DYNC1H1: variants seen among roughly 807,000 people sequenced by gnomAD.
DYNC1H1 encodes cytoplasmic dynein 1 heavy chain 1.
In DYNC1H1, 51 loss-of-function variants were observed where a neutral mutation model predicts 527.1. The observed-to-expected ratio is 0.10, with a 90% CI of 0.08 to 0.12. The LOEUF (loss-of-function observed/expected upper bound fraction) is 0.12, where lower values mean the gene tolerates loss of function less well. Among genes scored for constraint, DYNC1H1 ranks in the 10% least tolerant of loss-of-function variants. DYNC1H1 has a pLI of 1.00. For missense variants in DYNC1H1, 2,771 were observed against 5,971.8 expected, an observed-to-expected ratio of 0.46 and a Z score of 17.66; for synonymous variants, 2,189 against 2,278.8, an observed-to-expected ratio of 0.96 and a Z score of 1.12.
At chr14:102,028,186 A>G (rs751897063) in intron 48 of DYNC1H1, 45 bp downstream of exon 48, 8 of 1,603,722 alleles carry the variant, frequency 5.0e-6, no homozygotes, top group South Asian at 2.2e-5. Flanking sequence ...AAAACTAACC[A>G]TCATGCTAAT....
chr14:101,973,090 T>C (rs1263975331), intron 1 of DYNC1H1, among the ~76,000 whole-genome samples: 1 of 152,166 alleles, frequency 6.6e-6, no homozygotes, highest in Non-Finnish European at 1.5e-5. Flanking sequence ...AGCAAGTATC[T>C]GGCATACTAG....
In DYNC1H1 at chr14:102,033,600, G is replaced by A. The variant is rs2048535262; in HGVS notation, c.10413+116G>A. The A allele has an allele frequency of 4.4e-6, 6 of 1,370,298 alleles. No homozygotes were observed. The highest frequency in any genetic ancestry group is 1.2e-5 in the South Asian group (1 of 80,794). The allele number at this position is 1,370,298 out of a possible 1,614,324, so 84.9% of individuals were successfully genotyped here. On this transcript the variant is annotated intron_variant, in intron 54 of 77. Transcript: ENST00000360184. The surrounding 1 kb of genome is among the most constrained non-coding windows in gnomAD (Gnocchi z 5.6). Reference sequence around the variant, plus strand: ...TCGGTGAATTCGCTCTTTAACATCTGTAAGGCCCCGGAGGACTTTTTTCCT... The same window carrying A: ...TCGGTGAATTCGCTCTTTAACATCTATAAGGCCCCGGAGGACTTTTTTCCT...
chr14:102,040,819 C>T (rs574125331), intron 64 of DYNC1H1, 146 bp downstream of exon 64: 43 of 933,864 alleles, frequency 4.6e-5, no homozygotes, highest in Admixed American at 2.4e-4. Flanking sequence ...CTTAGCCAGG[C>T]GTGGCGGTGC....
At chr14:101,998,889 T>TGTTTTTTTG (rs199790318) in intron 16 of DYNC1H1, among the ~76,000 whole-genome samples, 1 of 146,354 alleles carries the variant, frequency 6.8e-6, no homozygotes, top group Admixed American at 6.8e-5. Context: ...CTTTTTTTTT[T>TGTTTTTTTG]TTTTTTTTTT....
chr14:102,019,930 A>G lies in DYNC1H1; in HGVS notation c.8381A>G (p.Tyr2794Cys). ...FTQDTQPHYI[Y>C]SPREMTRWVR... ...CAGGATACACAACCTCACTATATCT[A>G]TTCACCCCGTGAAATGACTAGGTGG... Residue 2794 changes from tyrosine (Y) to cysteine (C), a missense_variant, in exon 42 of 78, where the codon TAT becomes TGT. By Grantham distance (194) the Tyr-to-Cys change is radical (BLOSUM62 -2). Transcript: ENST00000360184. The G allele has an allele frequency of 1.2e-6, 2 of 1,614,126 alleles. No homozygotes were observed. Among genetic ancestry groups the G allele is most frequent in the Non-Finnish European group, 1.7e-6 (2 of 1,180,026 alleles).
Position 101,965,007 on chromosome 14 carries a change from C to A in DYNC1H1, c.256+60C>A. The A allele has an allele frequency of 6.5e-7, 1 of 1,527,928 alleles. No individual in the cohort carries two copies. Among genetic ancestry groups the A allele is most frequent in the South Asian group, 1.2e-5 (1 of 83,418 alleles). The allele number at this position is 1,527,928 out of a possible 1,614,324, so 94.6% of individuals were successfully genotyped here. On this transcript the variant is annotated intron_variant, in intron 1 of 77. Coordinates refer to ENST00000360184, the MANE Select transcript of DYNC1H1 (RefSeq NM_001376.5). This position sits in a 1 kb window ranked among gnomAD's most constrained non-coding sequence, Gnocchi z 4.1. The stretch of plus-strand genomic sequence containing the variant: ...AGGCCTCGCGGAATGCAGGGCCTGC[C>A]AGGTCCTCCGGGGTCGCAGATGTCC...
intron 1 of DYNC1H1, among the ~76,000 whole-genome samples, chr14:101,972,113 G>T (rs768653984): frequency 6.6e-6 from 1 of 152,154 alleles, no homozygotes; most frequent in Non-Finnish European, 1.5e-5. Context: ...AATCAAACGT[G>T]CAGATTGTGT....
chr14:102,019,304 C>T (rs1208936001), intron 41 of DYNC1H1, among the ~76,000 whole-genome samples: 1 of 152,214 alleles, frequency 6.6e-6, no homozygotes, highest in Admixed American at 6.5e-5. Context: ...AAATGACTCT[C>T]GTTGCTATTT....
At chr14:101,969,039 A>T (rs1237039302) in intron 1 of DYNC1H1, among the ~76,000 whole-genome samples, 1 of 151,016 alleles carries the variant, frequency 6.6e-6, no homozygotes, top group Non-Finnish European at 1.5e-5. Context: ...TTTTTTTGAG[A>T]CAGAGTCTCG....
rs1370430338 is a variant in DYNC1H1 at position 102,018,260 on chromosome 14, CTG to C, written c.8178-189_8178-188del. 1.3e-5 allele frequency among the ~76,000 whole-genome samples: 2 copies of C among 152,192 alleles called. No individual in the cohort carries two copies. Among genetic ancestry groups the C allele is most frequent in the Non-Finnish European group, 2.9e-5 (2 of 68,034 alleles). ...TGGTTTTTCAAGTGTTTTCCATCGACTGTTGTGTGTCAGACCCCAAGCCTGAG... is the reference window on the plus strand; with the variant it reads ...TGGTTTTTCAAGTGTTTTCCATCGACTTGTGTGTCAGACCCCAAGCCTGAG... On this transcript the variant is annotated intron_variant, in intron 40 of 77. Transcript: ENST00000360184. The surrounding 1 kb of genome is among the most constrained non-coding windows in gnomAD (Gnocchi z 5.2).
chr14:102,001,891 C>CA lies in DYNC1H1; in HGVS notation c.4542+211dup, dbSNP rs1292840250. On this transcript the variant is annotated intron_variant, in intron 21 of 77. Transcript: ENST00000360184. The surrounding 1 kb of genome is among the most constrained non-coding windows in gnomAD (Gnocchi z 5.0). The stretch of plus-strand genomic sequence containing the variant: ...CTGGGCTCAAGTGATCTTCCCACCT[C>CA]AGCCTCCAGGTAGCTGGGACCACAG... 6.6e-6 allele frequency among the ~76,000 whole-genome samples: 1 copy of CA among 152,180 alleles called. No homozygotes were observed. The highest frequency in any genetic ancestry group is 1.5e-5 in the Non-Finnish European group (1 of 68,020).
Position 102,017,354 on chromosome 14 carries a change from C to T in DYNC1H1, c.8056-29C>T, listed in dbSNP as rs1358141036. The T allele has an allele frequency of 6.2e-7, 1 of 1,614,214 alleles. No individual in the cohort carries two copies. ...CAATGTTTCTTGTTCAAGTTTTGCT[C>T]TTAATGTGGTACCTGTCCCTTCCTT... On this transcript the variant is annotated intron_variant, in intron 39 of 77. Coordinates refer to ENST00000360184, the MANE Select transcript of DYNC1H1 (RefSeq NM_001376.5). The surrounding 1 kb of genome is among the most constrained non-coding windows in gnomAD (Gnocchi z 4.6).
Position 102,018,626 on chromosome 14 carries a change from G to A in DYNC1H1, c.8343+10G>A. On this transcript the variant is annotated intron_variant, in intron 41 of 77. Transcript: ENST00000360184. This position sits in a 1 kb window ranked among gnomAD's most constrained non-coding sequence, Gnocchi z 5.2. ...CTACACCATGTCTCAGGTACGCAGA[G>A]TTTCTTTGCTCTTCCAGAAATTGTT... 6.2e-7 allele frequency: 1 copy of A among 1,613,250 alleles called. No homozygotes were observed. Among genetic ancestry groups the A allele is most frequent in the South Asian group, 1.1e-5 (1 of 91,042 alleles).
intron 27 of DYNC1H1, 80 bp from the exon 28 acceptor site, chr14:102,006,928 T>G: frequency 6.7e-7 from 1 of 1,497,170 alleles, no homozygotes; most frequent in Non-Finnish European, 9.3e-7. Context: ...ATGAGTTGCT[T>G]TTTGTAGTTC....
chr14:102,041,862 T>A lies in DYNC1H1; in HGVS notation c.12102+128T>A, dbSNP rs1183038391. The A allele has an allele frequency of 6.5e-7, 1 of 1,531,552 alleles. No homozygotes were observed. Among genetic ancestry groups the A allele is most frequent in the Non-Finnish European group, 8.9e-7 (1 of 1,121,884 alleles). The allele number at this position is 1,531,552 out of a possible 1,614,324, so 94.9% of individuals were successfully genotyped here. On this transcript the variant is annotated intron_variant, in intron 65 of 77. Coordinates refer to ENST00000360184, the MANE Select transcript of DYNC1H1 (RefSeq NM_001376.5). This position sits in a 1 kb window ranked among gnomAD's most constrained non-coding sequence, Gnocchi z 4.5. ...TCTCCTCCTAAGACCAGGAACTCGC[T>A]GCAGATTCTCAACTCCTGGCTGCAT... is the stretch of plus-strand genomic sequence containing the variant.
chr14:102,008,482 T>A, intron 29 of DYNC1H1, 145 bp downstream of exon 29: 1 of 1,211,986 alleles, frequency 8.3e-7, no homozygotes. Flanking sequence ...GAGCTGTGGT[T>A]AAAGACGGAA....
At chr14:102,007,200 G>T in intron 28 of DYNC1H1, 92 bp downstream of exon 28, 1 of 1,366,628 alleles carries the variant, frequency 7.3e-7, no homozygotes, top group South Asian at 1.2e-5. Flanking sequence ...AAAGCCATTG[G>T]TCTTACAGCT....
In DYNC1H1 at chr14:102,028,213, A is replaced by G; in HGVS notation, c.9468+72A>G. On this transcript the variant is annotated intron_variant, in intron 48 of 77. Transcript: ENST00000360184. Reference sequence around the variant, plus strand: ...CATGCTAATATAAAACTAAATTGCTATAAAAATAGACCTTAAGGCCAGGTG... The same window carrying G: ...CATGCTAATATAAAACTAAATTGCTGTAAAAATAGACCTTAAGGCCAGGTG... 5 of 1,569,750 alleles carry G rather than the reference A, an allele frequency of 3.2e-6. No homozygotes were observed. In the South Asian group the frequency reaches 5.6e-5, roughly 18 times the overall value.
chr14:101,980,099 C>T, intron 4 of DYNC1H1, 125 bp downstream of exon 4: 1 of 1,449,300 alleles, frequency 6.9e-7, no homozygotes, highest in Non-Finnish European at 9.4e-7. Context: ...GCCTCTTGGT[C>T]CTGGGACTGT....
Sources: gnomAD v4.1 joint callset for allele counts (sites outside exome capture counted in the v4.1 genomes callset) on GRCh38, gnomAD v4.1.1 for gene constraint, Gnocchi (gnomAD v3.1) non-coding constraint, MANE v1.5 for transcripts, NCBI Gene and HGNC (gene_info 2026-07-23, HGNC 2026-07-21) for gene names.